RCC1L: variants seen among roughly 807,000 people sequenced by gnomAD.
The protein encoded by RCC1L is RCC1-like G exchanging factor-like protein.
In RCC1L, 46 loss-of-function variants were observed where a neutral mutation model predicts 58.6. The observed-to-expected ratio is 0.79, with a 90% CI of 0.62 to 1.00. RCC1L has a LOEUF of 1.00. RCC1L is among the 50% of genes least tolerant of loss of function. The pLI is 0.00. For synonymous variants in RCC1L, 281 were observed against 262.9 expected (o/e 1.07, Z -0.67); for missense variants, 636 against 623.6 (o/e 1.02, Z -0.21).
At chr7:75,046,157 C>T (rs2131980073) in intron 10 of RCC1L, among the ~76,000 whole-genome samples, 1 of 152,352 alleles carries the variant, frequency 6.6e-6, no homozygotes, top group South Asian at 2.1e-4. Context: ...CCAAGTCATG[C>T]TGTCATCCCC....
At chr7:75,027,689 C>T (rs1331843502) in exon 11 of RCC1L, 3 of 362,500 alleles carry the variant, frequency 8.3e-6, no homozygotes, top group Admixed American at 4.4e-5. Context: ...CAAGCCCGCT[C>T]CGTGGGAGCT....
chr7:75,045,332 A>G (rs2131979223), intron 10 of RCC1L, among the ~76,000 whole-genome samples: 1 of 151,568 alleles, frequency 6.6e-6, no homozygotes, highest in East Asian at 1.9e-4. Context: ...GGCATGCACC[A>G]CTATGCTCAG....
intron 7 of RCC1L, chr7:75,058,259 C>CA (rs1289256951): frequency 3.0e-6 from 1 of 332,218 alleles, no homozygotes; most frequent in Non-Finnish European, 5.7e-6. Context: ...TTTTTCGAGA[C>CA]AGAGTCTTGC....
chr7:75,032,712 C>G (rs1214219948), intron 10 of RCC1L, among the ~76,000 whole-genome samples: 1 of 152,112 alleles, frequency 6.6e-6, no homozygotes, highest in Non-Finnish European at 1.5e-5. Flanking sequence ...CAAGAGAGTT[C>G]TAGCTGCTGA....
At chr7:75,071,294 T>C (rs1806718737) in intron 1 of RCC1L, among the ~76,000 whole-genome samples, 1 of 152,170 alleles carries the variant, frequency 6.6e-6, no homozygotes, top group Non-Finnish European at 1.5e-5. Context: ...AGTCTATTTA[T>C]GGTCTATGTC....
chr7:75,044,636 C>T lies in RCC1L; in HGVS notation c.1318-1527G>A, dbSNP rs1805666150. ...AAAAAAAAAAAAAGTCTTTCATTAC[C>T]ACACCTATCACCAGCTGCCCCAGTC... On this transcript the variant is annotated intron_variant, in intron 10 of 10. Coordinates refer to ENST00000610322, the MANE Select transcript of RCC1L (RefSeq NM_030798.5). Among the ~76,000 whole-genome samples the T allele has an allele frequency of 3.3e-5, 5 of 149,268 alleles. No individual in the cohort carries two copies. The South Asian group carries it at 1.1e-3, about 32-fold the overall frequency.
At chr7:75,065,423 T>C (rs1188639168) in intron 3 of RCC1L, among the ~76,000 whole-genome samples, 5 of 151,832 alleles carry the variant, frequency 3.3e-5, no homozygotes, top group African/African-American at 1.2e-4. Context: ...AGCACAGTGG[T>C]GGGTGCCTGT....
At chr7:75,061,453 T>C (rs979506921) in intron 5 of RCC1L, among the ~76,000 whole-genome samples, 162 bp from the exon 6 acceptor site, 3 of 152,034 alleles carry the variant, frequency 2.0e-5, no homozygotes, top group Non-Finnish European at 2.9e-5. Context: ...AATCTACCAG[T>C]CTCCCACTGC....
chr7:75,066,792 G>A lies in RCC1L; in HGVS notation c.455C>T (p.Thr152Met), dbSNP rs202246429. 166 of 1,602,174 alleles carry A rather than the reference G, an allele frequency of 1.0e-4. 1 individual carries two copies. The East Asian group carries it at 1.3e-3, about 13-fold the overall frequency. ...LGFHRSRKDK[T>M]RGYEYVLEPS... is the part of the protein sequence containing the mutation. Reference sequence around the variant, plus strand: ...CTCCAACACATACTCGTAGCCCCTCGCTGGAAAAGACACAGGACACTGATT... The same window carrying A: ...CTCCAACACATACTCGTAGCCCCTCACTGGAAAAGACACAGGACACTGATT... Residue 152 changes from threonine to methionine, a missense_variant and splice_region_variant, in exon 3 of 11, where the codon ACG becomes ATG. Transcript: ENST00000610322.
Position 75,042,921 on chromosome 7 carries a change from G to A in RCC1L, c.*111C>T. ...GGACAGAGCGTCACACTGCACGCAG[G>A]GTCCTCCGCCACCACCATCCAAGAA... On this transcript the variant is annotated 3_prime_UTR_variant, in exon 11 of 11. Coordinates refer to ENST00000610322, the MANE Select transcript of RCC1L (RefSeq NM_030798.5). 3.2e-6 allele frequency: 5 copies of A among 1,572,708 alleles called. 1 individual carries two copies. In the South Asian group the frequency reaches 5.8e-5, roughly 18 times the overall value.
downstream of RCC1L, among the ~76,000 whole-genome samples, chr7:75,037,679 A>G (rs1046188042): frequency 5.2e-4 from 79 of 151,700 alleles, 1 homozygote; most frequent in Admixed American, 2.2e-3. Context: ...TAATTTTTGT[A>G]GTTTTAGTAC....
downstream of RCC1L, among the ~76,000 whole-genome samples, chr7:75,037,789 G>A (rs1165351968): frequency 2.6e-5 from 4 of 151,978 alleles, no homozygotes; most frequent in African/African-American, 7.2e-5. Flanking sequence ...GATTACAGGC[G>A]TGAGCCACCA....
chr7:75,030,182 TG>T (rs1359227522), intron 10 of RCC1L, among the ~76,000 whole-genome samples: 1 of 151,486 alleles, frequency 6.6e-6, no homozygotes, highest in Non-Finnish European at 1.5e-5. Context: ...GTGCTAGGAG[TG>T]GGGGTGCAGG....
At chr7:75,061,406 C>G in intron 5 of RCC1L, 115 bp from the exon 6 acceptor site, 1 of 823,364 alleles carries the variant, frequency 1.2e-6, no homozygotes, top group South Asian at 1.3e-5. Context: ...GGAGCATGGT[C>G]CAGGCAGACT....
chr7:75,073,560 G>A lies in RCC1L; in HGVS notation c.178C>T (p.Arg60Cys). 15 of 1,507,026 alleles carry A rather than the reference G, an allele frequency of 1.0e-5. No individual in the cohort carries two copies. The highest frequency in any genetic ancestry group is 1.3e-5 in the Non-Finnish European group (15 of 1,136,050). The allele number at this position is 1,507,026 out of a possible 1,614,324, so 93.4% of individuals were successfully genotyped here. The stretch of plus-strand genomic sequence containing the variant: ...AAGCTGAAGCCCCACACGAAGACGC[G>A]ATCGGCGCGGGCAGCGCGCTCGCCC... ...YVGERAARAD[R>C]VFVWGFSFSG... Residue 60 changes from arginine to cysteine, a missense_variant, in exon 1 of 11, where the codon CGC becomes TGC. Arg to Cys is a radical substitution (Grantham distance 180). Coordinates refer to ENST00000610322, the MANE Select transcript of RCC1L (RefSeq NM_030798.5).
At chr7:75,037,904 C>G (rs1406131140), downstream of RCC1L, among the ~76,000 whole-genome samples, 1 of 152,228 alleles carries the variant, frequency 6.6e-6, no homozygotes, top group South Asian at 2.1e-4. Flanking sequence ...AACACTGTCT[C>G]CAGCTCAGGC....
intron 2 of RCC1L, 83 bp from the exon 3 acceptor site, chr7:75,066,875 GA>G: frequency 1.4e-6 from 2 of 1,478,356 alleles, no homozygotes; most frequent in African/African-American, 1.4e-5. Context: ...TACTACACTG[GA>G]AAAAAGAGAG....
intron 2 of RCC1L, among the ~76,000 whole-genome samples, chr7:75,068,280 A>G (rs1277121971): frequency 1.4e-5 from 2 of 145,704 alleles, no homozygotes; most frequent in Non-Finnish European, 3.0e-5. Flanking sequence ...AGATCACGCC[A>G]TTGCACTCCA....
Position 75,044,851 on chromosome 7 carries a change from G to A in RCC1L, c.1318-1742C>T, listed in dbSNP as rs587748894. 2.2e-3 allele frequency among the ~76,000 whole-genome samples: 333 copies of A among 152,020 alleles called. 2 individuals are homozygous for A. Among genetic ancestry groups the A allele is most frequent in the Non-Finnish European group, 6.9e-4 (47 of 67,978 alleles). The stretch of plus-strand genomic sequence containing the variant: ...AGCCTGGCCAACATGGTGAAACCCC[G>A]TCTCTACTAAAAATGCAAAAATTAG... On this transcript the variant is annotated intron_variant, in intron 10 of 10. Transcript: ENST00000610322.
Sources: allele counts gnomAD v4.1 joint callset (sites outside exome capture counted in the v4.1 genomes callset), GRCh38; gene constraint gnomAD v4.1.1; transcripts MANE v1.5; gene names NCBI Gene and HGNC (gene_info 2026-07-23, HGNC 2026-07-21).